CCSER1: variants seen among roughly 807,000 people sequenced by gnomAD.
CCSER1 encodes the protein coiled-coil serine rich protein 1, also known as serine-rich coiled-coil domain-containing protein 1.
In CCSER1, 41 loss-of-function variants were observed where a neutral mutation model predicts 82.0. The observed-to-expected ratio is 0.50, with a 90% CI of 0.39 to 0.65. The LOEUF (loss-of-function observed/expected upper bound fraction) is 0.65, where lower values mean the gene tolerates loss of function less well. Among genes scored for constraint, CCSER1 ranks in the 30% least tolerant of loss-of-function variants. CCSER1 has a pLI of 0.00. For missense variants in CCSER1, 1,119 were observed against 1,064.2 expected (o/e 1.05, Z -0.72); for synonymous variants, 414 against 383.9 (o/e 1.08, Z -0.92).
intron 9 of CCSER1, among the ~76,000 whole-genome samples, chr4:91,036,617 G>T (rs1001131677): frequency 3.6e-4 from 55 of 152,088 alleles, no homozygotes; most frequent in African/African-American, 1.3e-3. Flanking sequence ...CCCAAACTGT[G>T]AAAGGTAAAA....
chr4:91,424,524 T>C (rs1753867443), intron 10 of CCSER1, among the ~76,000 whole-genome samples: 1 of 152,148 alleles, frequency 6.6e-6, no homozygotes, highest in South Asian at 2.1e-4. Flanking sequence ...TTCACATTTA[T>C]CCACATTTCT....
intron 6 of CCSER1, among the ~76,000 whole-genome samples, chr4:90,638,893 G>C (rs1227372356): frequency 6.6e-6 from 1 of 152,100 alleles, no homozygotes; most frequent in African/African-American, 2.4e-5. Flanking sequence ...AGAGATCTAG[G>C]TGTGAATCTC....
chr4:91,427,822 G>A (rs1754080575), intron 10 of CCSER1, among the ~76,000 whole-genome samples: 1 of 152,028 alleles, frequency 6.6e-6, no homozygotes, highest in Non-Finnish European at 1.5e-5. Flanking sequence ...TAACTGACAT[G>A]GAATTTTAAA....
chr4:91,576,927 T>C (rs75043929), intron 10 of CCSER1, among the ~76,000 whole-genome samples: 8,204 of 152,050 alleles, frequency 0.054, 324 homozygotes, highest in Middle Eastern at 0.13. Flanking sequence ...ATTGTGGCAA[T>C]CATTTCATAG....
chr4:91,051,690 G>A (rs370415075), intron 9 of CCSER1, among the ~76,000 whole-genome samples: 1 of 152,066 alleles, frequency 6.6e-6, no homozygotes, highest in African/African-American at 2.4e-5. Context: ...CAGGCACACA[G>A]GCAGTTTGTT....
chr4:91,264,434 G>A (rs971943085), intron 10 of CCSER1, among the ~76,000 whole-genome samples: 29 of 151,698 alleles, frequency 1.9e-4, no homozygotes, highest in African/African-American at 7.0e-4. Flanking sequence ...TTTCCCTAAA[G>A]TCATTCCAAA....
At chr4:90,319,649 CA>C (rs931788357) in intron 3 of CCSER1, among the ~76,000 whole-genome samples, 2 of 151,544 alleles carry the variant, frequency 1.3e-5, no homozygotes, top group Non-Finnish European at 2.9e-5. Context: ...AAGACTCTCT[CA>C]AAAAAAAGCA....
chr4:91,374,717 C>A (rs763985421), intron 10 of CCSER1, among the ~76,000 whole-genome samples: 1 of 152,138 alleles, frequency 6.6e-6, no homozygotes, highest in Non-Finnish European at 1.5e-5. Flanking sequence ...ACATTTAGGC[C>A]GGGCGTGATG....
At chr4:91,130,400 G>A (rs1335605921) in intron 10 of CCSER1, among the ~76,000 whole-genome samples, 1 of 151,742 alleles carries the variant, frequency 6.6e-6, no homozygotes, top group Non-Finnish European at 1.5e-5. Context: ...TATTCTCTGT[G>A]TGTCTGGATA....
At chr4:90,807,301 C>A (rs557142792) in intron 7 of CCSER1, among the ~76,000 whole-genome samples, 50 of 152,176 alleles carry the variant, frequency 3.3e-4, no homozygotes, top group African/African-American at 1.2e-3. Flanking sequence ...TATTTAGAGT[C>A]TAGGAGTATA....
intron 10 of CCSER1, among the ~76,000 whole-genome samples, chr4:91,338,389 G>T (rs1747465963): frequency 6.6e-6 from 1 of 152,104 alleles, no homozygotes; most frequent in Non-Finnish European, 1.5e-5. Context: ...CCAAAGAATT[G>T]TCCCTTGGGG....
chr4:90,748,035 C>CT (rs1410689222), intron 7 of CCSER1, among the ~76,000 whole-genome samples: 1 of 95,146 alleles, frequency 1.1e-5, no homozygotes, highest in African/African-American at 4.4e-5. Context: ...GCCACATTTT[C>CT]TTCTTTTTTT....
chr4:91,349,040 G>C (rs556400599), intron 10 of CCSER1, among the ~76,000 whole-genome samples: 1 of 151,872 alleles, frequency 6.6e-6, no homozygotes, highest in Non-Finnish European at 1.5e-5. Context: ...TCCCAAGTAG[G>C]TGGGACTACA....
intron 8 of CCSER1, among the ~76,000 whole-genome samples, chr4:90,827,003 C>G (rs886515126): frequency 6.6e-6 from 1 of 152,126 alleles, no homozygotes; most frequent in Non-Finnish European, 1.5e-5. Flanking sequence ...AAATGAGCAT[C>G]AAGCAGTTCA....
At chr4:91,321,773 T>G (rs1746212905) in intron 10 of CCSER1, among the ~76,000 whole-genome samples, 1 of 152,044 alleles carries the variant, frequency 6.6e-6, no homozygotes. Context: ...ATCCTCCCAG[T>G]CTTCAGTCAT....
intron 10 of CCSER1, among the ~76,000 whole-genome samples, chr4:91,330,072 TG>T (rs1391621525): frequency 7.2e-5 from 11 of 152,278 alleles, no homozygotes; most frequent in Admixed American, 2.0e-4. Flanking sequence ...ATTAATTTTT[TG>T]CCTTTACTTT....
At chr4:90,612,488 A>G (rs570362867) in intron 5 of CCSER1, among the ~76,000 whole-genome samples, 5 of 152,078 alleles carry the variant, frequency 3.3e-5, no homozygotes, top group African/African-American at 1.2e-4. Context: ...GCAGTATAAG[A>G]TAAACTTATT....
At chr4:90,214,287 C>A (rs142474277) in intron 1 of CCSER1, among the ~76,000 whole-genome samples, 1 of 152,084 alleles carries the variant, frequency 6.6e-6, no homozygotes, top group South Asian at 2.1e-4. Context: ...AAGTTCTTTT[C>A]AAAATGCTTC....
At chr4:90,904,502 G>A (rs1490614995) in intron 8 of CCSER1, among the ~76,000 whole-genome samples, 2 of 152,030 alleles carry the variant, frequency 1.3e-5, no homozygotes, top group African/African-American at 2.4e-5. Flanking sequence ...TGCCAGAAAG[G>A]TTTCCTATTC....
Sources: gnomAD v4.1 joint callset for allele counts (sites outside exome capture counted in the v4.1 genomes callset) on GRCh38, gnomAD v4.1.1 for gene constraint, MANE v1.5 for transcripts, NCBI Gene and HGNC (gene_info 2026-07-23, HGNC 2026-07-21) for gene names.